The following TRHDE variants were observed in gnomAD, a reference collection of about 807,000 sequenced individuals.
The protein encoded by TRHDE is thyrotropin releasing hormone degrading enzyme.
TRHDE carries 72 observed loss-of-function variants against 125.7 expected under a neutral mutation model. The observed-to-expected ratio is 0.57, with a 90% confidence interval of 0.47 to 0.70. The LOEUF (loss-of-function observed/expected upper bound fraction) is 0.70. TRHDE is among the 30% of genes least tolerant of loss of function. The probability of loss-of-function intolerance (pLI) is 0.00; values close to 1 mark genes in which losing one functional copy is unlikely to be tolerated. For missense variants in TRHDE, 1,110 were observed against 1,327.1 expected (o/e 0.84, Z 2.54); for synonymous variants, 509 against 509.1 (o/e 1.00, Z 0.00).
At chr12:72,267,624 C>T (rs539650035), upstream of TRHDE, among the ~76,000 whole-genome samples, 14 of 150,776 alleles carry the variant, frequency 9.3e-5, no homozygotes, top group African/African-American at 2.2e-4. Context: ...CCAGCCTGGG[C>T]GACAGAGTGA....
chr12:72,377,651 CAT>C lies in TRHDE; in HGVS notation c.1189-342_1189-341del, dbSNP rs1871950615. 2.0e-5 allele frequency among the ~76,000 whole-genome samples: 3 copies of C among 152,124 alleles called. No individual in the cohort carries two copies. In the South Asian group the frequency reaches 6.2e-4, roughly 31 times the overall value. On this transcript the variant is annotated intron_variant, in intron 2 of 18. Coordinates refer to ENST00000261180, the MANE Select transcript of TRHDE (RefSeq NM_013381.3). Reference sequence around the variant, plus strand: ...GCCACCATATCCTGCCTACTTTCAGCATAGTCAGGGTCCCATTATACTAATCC... The same window carrying C: ...GCCACCATATCCTGCCTACTTTCAGCAGTCAGGGTCCCATTATACTAATCC...
chr12:72,614,322 A>ATG (rs777867374), intron 12 of TRHDE, among the ~76,000 whole-genome samples: 51,102 of 85,862 alleles, frequency 0.6, 11,462 homozygotes, highest in African/African-American at 0.68. Context: ...GTATATATAT[A>ATG]TATATATATT....
chr12:72,114,467 A>G (rs1875395473), intron 2 of TRHDE, among the ~76,000 whole-genome samples: 1 of 152,210 alleles, frequency 6.6e-6, no homozygotes, highest in South Asian at 2.1e-4. Context: ...AGGAAATGTT[A>G]TTAGGGAAAA....
At chr12:72,169,869 G>C (rs1876832803) in intron 2 of TRHDE, among the ~76,000 whole-genome samples, 2 of 152,126 alleles carry the variant, frequency 1.3e-5, no homozygotes, top group Admixed American at 6.5e-5. Context: ...ACACAGTTCA[G>C]TCCATGATAT....
At chr12:72,476,947 T>A (rs774999345) in intron 5 of TRHDE, among the ~76,000 whole-genome samples, 2 of 152,192 alleles carry the variant, frequency 1.3e-5, no homozygotes, top group Non-Finnish European at 2.9e-5. Context: ...GATAATTTTG[T>A]CCTCTAGCAA....
chr12:72,094,130 G>T (rs149163468), intron 1 of TRHDE, among the ~76,000 whole-genome samples: 15 of 152,178 alleles, frequency 9.9e-5, no homozygotes, highest in Non-Finnish European at 2.1e-4. Context: ...CATAATTCCT[G>T]TCTGGTCCTT....
chr12:72,099,831 CCATT>C (rs1054311860), intron 1 of TRHDE, among the ~76,000 whole-genome samples: 5 of 152,090 alleles, frequency 3.3e-5, no homozygotes, highest in Non-Finnish European at 5.9e-5. Flanking sequence ...TTTCTGAAAA[CCATT>C]CAGTAGCTAT....
intron 3 of TRHDE, among the ~76,000 whole-genome samples, chr12:72,426,961 T>C (rs1874215786): frequency 6.6e-6 from 1 of 152,174 alleles, no homozygotes; most frequent in South Asian, 2.1e-4. Context: ...AAATGTCACC[T>C]ATATATAGTC....
intron 2 of TRHDE, among the ~76,000 whole-genome samples, chr12:72,360,927 T>A (rs1215041234): frequency 1.3e-5 from 2 of 151,698 alleles, no homozygotes; most frequent in African/African-American, 4.8e-5. Context: ...TATCAACCCA[T>A]CACCTAGGTA....
chr12:72,378,398 T>C lies in TRHDE; in HGVS notation c.1315+277T>C, dbSNP rs372493884. Among the ~76,000 whole-genome samples the C allele has an allele frequency of 4.6e-5, 7 of 152,294 alleles. No individual in the cohort carries two copies. In the South Asian group the frequency reaches 1.2e-3, roughly 27 times the overall value. On this transcript the variant is annotated intron_variant, in intron 3 of 18. Transcript: ENST00000261180. Reference sequence around the variant, plus strand: ...GCTATAATTTGTTGAATATGTACTATGGAGGGGTGCTTGCCAACATCATAT... The same window carrying C: ...GCTATAATTTGTTGAATATGTACTACGGAGGGGTGCTTGCCAACATCATAT...
At chr12:72,395,699 C>T (rs1462847111) in intron 3 of TRHDE, among the ~76,000 whole-genome samples, 1 of 152,148 alleles carries the variant, frequency 6.6e-6, no homozygotes, top group Non-Finnish European at 1.5e-5. Context: ...AAATCCTACT[C>T]TATGCTTATT....
At chr12:72,520,741 C>T (rs528261206) in intron 6 of TRHDE, among the ~76,000 whole-genome samples, 1 of 152,242 alleles carries the variant, frequency 6.6e-6, no homozygotes, top group East Asian at 1.9e-4. Context: ...ACAGTGACAT[C>T]TTTTTTAGAA....
intron 2 of TRHDE, among the ~76,000 whole-genome samples, chr12:72,347,606 G>A (rs748758601): frequency 2.6e-5 from 4 of 151,996 alleles, no homozygotes; most frequent in Non-Finnish European, 5.9e-5. Flanking sequence ...TACTAATGTG[G>A]TTGTTCACAG....
intron 2 of TRHDE, among the ~76,000 whole-genome samples, chr12:72,290,990 T>A (rs1880067624): frequency 6.6e-6 from 1 of 152,206 alleles, no homozygotes; most frequent in Admixed American, 6.5e-5. Flanking sequence ...TAAAAGAATT[T>A]GTATGCCTGT....
chr12:72,573,406 C>G (rs997941683), intron 10 of TRHDE, among the ~76,000 whole-genome samples: 26 of 151,710 alleles, frequency 1.7e-4, no homozygotes, highest in African/African-American at 6.3e-4. Flanking sequence ...AAATCATTTG[C>G]ATTTTAGAAA....
At chr12:72,574,161 A>G (rs528335573) in intron 10 of TRHDE, among the ~76,000 whole-genome samples, 39 of 152,132 alleles carry the variant, frequency 2.6e-4, no homozygotes, top group African/African-American at 9.4e-4. Flanking sequence ...AGTACTCTGT[A>G]AATGTATTCC....
At chr12:72,217,653 C>T (rs1465729843) in intron 2 of TRHDE, among the ~76,000 whole-genome samples, 2 of 152,092 alleles carry the variant, frequency 1.3e-5, no homozygotes, top group Non-Finnish European at 2.9e-5. Context: ...AGTGCATATA[C>T]ATTTAAAGCA....
At chr12:72,422,474 T>A (rs1873999877) in intron 3 of TRHDE, among the ~76,000 whole-genome samples, 1 of 152,210 alleles carries the variant, frequency 6.6e-6, no homozygotes, top group Non-Finnish European at 1.5e-5. Context: ...TGTGATTTAC[T>A]CTTGGAGAGA....
rs1282091170 is a variant in TRHDE, at chr12:72,664,392, T to G, written c.*1197T>G. 6 of 152,536 alleles carry G rather than the reference T, an allele frequency of 3.9e-5. No homozygotes were observed. The highest frequency in any genetic ancestry group is 1.4e-4 in the African/African-American group (6 of 41,440). The allele number at this position is 152,536 out of a possible 1,614,324, so 9.4% of individuals were successfully genotyped here. Reference sequence around the variant, plus strand: ...CATACCTCAAGTGGGTCTATTAGCATTTAATGACCTTTTGTGCCAGTTGTG... The same window carrying G: ...CATACCTCAAGTGGGTCTATTAGCAGTTAATGACCTTTTGTGCCAGTTGTG... On this transcript the variant is annotated 3_prime_UTR_variant, in exon 19 of 19. Coordinates refer to ENST00000261180, the MANE Select transcript of TRHDE (RefSeq NM_013381.3).
Sources: allele counts gnomAD v4.1 joint callset (sites outside exome capture counted in the v4.1 genomes callset), GRCh38; gene constraint gnomAD v4.1.1; transcripts MANE v1.5; gene names NCBI Gene and HGNC (gene_info 2026-07-23, HGNC 2026-07-21).